Variants in OCLN observed in about 807,000 individuals in gnomAD.
OCLN encodes the protein occludin.
In OCLN, 21 loss-of-function variants were observed where a neutral mutation model predicts 47.9. The ratio of observed to expected loss-of-function variants is 0.44; its 90% confidence interval spans 0.31 to 0.63. The LOEUF is 0.63. OCLN is among the 30% of genes least tolerant of loss of function. The pLI, the probability that OCLN is intolerant of heterozygous loss-of-function variation, is 0.08. For missense variants in OCLN, 360 were observed against 571.0 expected, an observed-to-expected ratio of 0.63 and a Z score of 3.77; for synonymous variants, 117 against 198.4, an observed-to-expected ratio of 0.59 and a Z score of 3.45.
In OCLN at chr5:69,502,092, G is replaced by A. The variant is rs528864111; in HGVS notation, c.-68-2085G>A. Among the ~76,000 whole-genome samples the A allele has an allele frequency of 5.9e-5, 9 of 152,154 alleles. 1 individual carries two copies. The highest frequency in any genetic ancestry group is 1.9e-4 in the African/African-American group (8 of 41,520). ...CGTGCGCCTGTAGTCCCAGCTACTC[G>A]GGAGGCTGAGGCAGGAGAATCGCTT... On this transcript the variant is annotated intron_variant, in intron 1 of 8. Transcript: ENST00000396442.
At chr5:69,549,340 C>CA (rs1172698181) in intron 7 of OCLN, among the ~76,000 whole-genome samples, 1,256 of 51,254 alleles carry the variant, frequency 0.025, 40 homozygotes, top group African/African-American at 0.065. Context: ...GACTCCATCT[C>CA]AAAAAAAAAA....
intron 1 of OCLN, among the ~76,000 whole-genome samples, chr5:69,496,504 T>C (rs1768296546): frequency 1.3e-5 from 2 of 152,092 alleles, no homozygotes; most frequent in South Asian, 4.1e-4. Context: ...TTGACAGTTT[T>C]CTTTAAAGAA....
At chr5:69,504,804 G>A (rs780981903) in intron 2 of OCLN, among the ~76,000 whole-genome samples, 47 of 151,992 alleles carry the variant, frequency 3.1e-4, no homozygotes, top group African/African-American at 1.0e-3. Flanking sequence ...CTGTGGTGGC[G>A]CGCACCTCTA....
intron 1 of OCLN, among the ~76,000 whole-genome samples, chr5:69,503,476 T>A (rs1768514662): frequency 6.6e-6 from 1 of 152,196 alleles, no homozygotes; most frequent in South Asian, 2.1e-4. Flanking sequence ...ACCTGTGTTA[T>A]CAGCACCACA....
Position 69,553,611 on chromosome 5 carries a change from A to G in OCLN, c.1509A>G (p.Leu503=). ...GTAAGAAGAATCATTGCAAGCAGTT[A>G]AAGAGCAAATTGTCACACATCAAGA... ...YKSKKNHCKQ[L]KSKLSHIKKM... is the part of the protein sequence containing the mutation. The change falls in exon 9 of 9, where the codon TTA becomes TTG. Residue 503 remains leucine, a synonymous_variant. Transcript: ENST00000396442. 1 of 1,614,036 alleles carries G rather than the reference A, an allele frequency of 6.2e-7. No homozygotes were observed. Among genetic ancestry groups the G allele is most frequent in the Non-Finnish European group, 8.5e-7 (1 of 1,179,988 alleles).
At chr5:69,533,389 A>G (rs1440277589) in intron 4 of OCLN, among the ~76,000 whole-genome samples, 1 of 152,176 alleles carries the variant, frequency 6.6e-6, no homozygotes, top group African/African-American at 2.4e-5. Flanking sequence ...ACGGGGCACA[A>G]GGAGTGGATA....
At chr5:69,513,070 G>A (rs1768830472) in intron 3 of OCLN, among the ~76,000 whole-genome samples, 1 of 152,142 alleles carries the variant, frequency 6.6e-6, no homozygotes, top group African/African-American at 2.4e-5. Flanking sequence ...GGGACTGAGG[G>A]TTGGTACTCC....
chr5:69,514,172 A>C (rs978721016), intron 4 of OCLN, 63 bp downstream of exon 4: 2 of 1,403,300 alleles, frequency 1.4e-6, no homozygotes, highest in Non-Finnish European at 2.0e-6. Context: ...CTGAATTTTT[A>C]GTGCTTTGTT....
At chr5:69,507,254 C>T (rs184699314) in intron 2 of OCLN, among the ~76,000 whole-genome samples, 29 of 152,222 alleles carry the variant, frequency 1.9e-4, no homozygotes, top group African/African-American at 6.5e-4. Context: ...CCTGCCTCAG[C>T]CTCCCAAGTA....
intron 7 of OCLN, among the ~76,000 whole-genome samples, chr5:69,550,522 G>A (rs1267083399): frequency 6.7e-6 from 1 of 150,130 alleles, no homozygotes; most frequent in Non-Finnish European, 1.5e-5. Context: ...ATTCCAGAAT[G>A]TGAAATTGCT....
chr5:69,527,808 G>A (rs1215007508), intron 4 of OCLN, among the ~76,000 whole-genome samples: 1 of 152,016 alleles, frequency 6.6e-6, no homozygotes, highest in Non-Finnish European at 1.5e-5. Context: ...AATGAGTTGT[G>A]TCTGACCTCC....
At chr5:69,522,998 G>T (rs1429103165) in intron 4 of OCLN, among the ~76,000 whole-genome samples, 4 of 150,050 alleles carry the variant, frequency 2.7e-5, no homozygotes, top group Non-Finnish European at 4.4e-5. Flanking sequence ...AAACTGCTGG[G>T]ATTACAGGTG....
chr5:69,535,954 A>C (rs938008695), intron 5 of OCLN, among the ~76,000 whole-genome samples: 11 of 152,112 alleles, frequency 7.2e-5, no homozygotes, highest in Admixed American at 2.0e-4. Context: ...GAGAAACCCC[A>C]TCTCTACTAA....
chr5:69,538,192 C>CG (rs1769642673), intron 5 of OCLN, among the ~76,000 whole-genome samples: 1 of 150,836 alleles, frequency 6.6e-6, no homozygotes. Flanking sequence ...TTCTAGAACT[C>CG]TAAGTTCCTT....
At chr5:69,533,726 CA>C (rs1436120076) in intron 4 of OCLN, among the ~76,000 whole-genome samples, 4 of 152,202 alleles carry the variant, frequency 2.6e-5, no homozygotes, top group African/African-American at 7.2e-5. Context: ...TATCTCTGCT[CA>C]CTGCAACCTC....
At chr5:69,523,623 C>T (rs1769200519) in intron 4 of OCLN, among the ~76,000 whole-genome samples, 1 of 151,704 alleles carries the variant, frequency 6.6e-6, no homozygotes, top group African/African-American at 2.4e-5. Flanking sequence ...GCAACCTCCA[C>T]CTCCCGGGTT....
intron 2 of OCLN, among the ~76,000 whole-genome samples, chr5:69,504,627 T>C (rs1371882086): frequency 5.3e-5 from 8 of 152,198 alleles, no homozygotes; most frequent in Non-Finnish European, 1.2e-4. Flanking sequence ...TGGGAACATA[T>C]TGTCAGTTTT....
chr5:69,493,219 A>G lies in OCLN; in HGVS notation c.-69+319A>G, dbSNP rs1208758445. 6.6e-6 allele frequency among the ~76,000 whole-genome samples: 1 copy of G among 152,106 alleles called. No individual in the cohort carries two copies. Among genetic ancestry groups the G allele is most frequent in the Non-Finnish European group, 1.5e-5 (1 of 68,024 alleles). Reference sequence around the variant, plus strand: ...ACTTTTCACTTTTATGGGGCACGACATTCCTGAACAGCGACGATCCTGCAT... The same window carrying G: ...ACTTTTCACTTTTATGGGGCACGACGTTCCTGAACAGCGACGATCCTGCAT... On this transcript the variant is annotated intron_variant, in intron 1 of 8. Coordinates refer to ENST00000396442, the MANE Select transcript of OCLN (RefSeq NM_001205254.2). The surrounding 1 kb of genome is among the most constrained non-coding windows in gnomAD (Gnocchi z 5.3).
rs369306175 is a variant in OCLN at position 69,513,914 on chromosome 5, T to C, written c.730-34T>C. ...GTGAATTGTGATTAAGCAATTAAAA[T>C]CTAATTATGCCAATATTTTCCACTC... On this transcript the variant is annotated intron_variant, in intron 3 of 8. Transcript: ENST00000396442. 3.8e-6 allele frequency: 6 copies of C among 1,575,060 alleles called. No individual in the cohort carries two copies. The African/African-American group carries it at 8.1e-5, about 21-fold the overall frequency.
Sources: gnomAD v4.1 joint callset for allele counts (sites outside exome capture counted in the v4.1 genomes callset) on GRCh38, gnomAD v4.1.1 for gene constraint, Gnocchi (gnomAD v3.1) non-coding constraint, MANE v1.5 for transcripts, NCBI Gene and HGNC (gene_info 2026-07-23, HGNC 2026-07-21) for gene names.